ERO1A: variants seen among roughly 807,000 people sequenced by gnomAD.
ERO1A encodes the protein ERO1-like protein alpha.
Under a neutral mutation model 76.9 loss-of-function variants are expected in ERO1A, and 49 were observed. That is an observed-to-expected ratio of 0.64 (90% CI 0.51 to 0.81). ERO1A has a LOEUF of 0.81. ERO1A is among the 30% of genes least tolerant of loss of function. The probability of loss-of-function intolerance (pLI) is 0.00; values close to 1 mark genes in which losing one functional copy is unlikely to be tolerated. For missense variants in ERO1A, 448 were observed against 542.1 expected (o/e 0.83, Z 1.72); for synonymous variants, 174 against 181.2 (o/e 0.96, Z 0.32).
rs189687661 is a variant in ERO1A, at chr14:52,677,135, C to A, written c.357+1299G>T. Among the ~76,000 whole-genome samples the A allele has an allele frequency of 2.5e-3, 382 of 152,090 alleles. 2 individuals carry two copies. The highest frequency in any genetic ancestry group is 8.8e-3 in the African/African-American group (367 of 41,486). ...GAAGGAGGATTTTAAACAGAGAAGACAGATAATCTCATGTTTTAAAAAAAA... is the reference window on the plus strand; with the variant it reads ...GAAGGAGGATTTTAAACAGAGAAGAAAGATAATCTCATGTTTTAAAAAAAA... On this transcript the variant is annotated intron_variant, in intron 4 of 15. Coordinates refer to ENST00000395686, the MANE Select transcript of ERO1A (RefSeq NM_014584.3).
At chr14:52,684,138 CACACACACACACAG>C (rs1429001746) in intron 1 of ERO1A, among the ~76,000 whole-genome samples, 4 of 122,956 alleles carry the variant, frequency 3.3e-5, no homozygotes, top group Admixed American at 9.1e-5. Flanking sequence ...CACACACACA[CACACACACACACAG>C]AGAGAGTTGG....
intron 4 of ERO1A, 171 bp from the exon 5 acceptor site, chr14:52,672,042 C>T (rs1195194726): frequency 7.6e-6 from 4 of 525,728 alleles, no homozygotes; most frequent in East Asian, 6.8e-5. Flanking sequence ...CGGTGGCTCA[C>T]GCCTATAATC....
rs879218530 is a variant in ERO1A, at chr14:52,684,150, C to CACACAGAG, written c.115-244_115-243insCTCTGTGT. ...ACACACACACACACACACACACACA[C>CACACAGAG]AGAGAGAGTTGGCCCCCTGGCAACC... On this transcript the variant is annotated intron_variant, in intron 1 of 15. Coordinates refer to ENST00000395686, the MANE Select transcript of ERO1A (RefSeq NM_014584.3). Among the ~76,000 whole-genome samples the CACACAGAG allele has an allele frequency of 9.7e-4, 135 of 139,388 alleles. 2 individuals carry two copies. Among genetic ancestry groups the CACACAGAG allele is most frequent in the South Asian group, 4.6e-3 (20 of 4,334 alleles). The allele number at this position is 139,388 out of a possible 152,430, so 91.4% of individuals were successfully genotyped here.
chr14:52,680,050 A>C, intron 3 of ERO1A, among the ~76,000 whole-genome samples: 1 of 143,966 alleles, frequency 6.9e-6, no homozygotes. Flanking sequence ...ACAGAGTGAG[A>C]CCCTGTCTCA....
At position 52,653,106 on chromosome 14, in the gene ERO1A, T is replaced by A. The variant is rs2039929543; in HGVS notation, c.1018A>T (p.Asn340Tyr). Residue 340 changes from asparagine to tyrosine, a missense_variant, in exon 12 of 16, where the codon AAC becomes TAC. Asn to Tyr is a moderately radical substitution (Grantham distance 143). Coordinates refer to ENST00000395686, the MANE Select transcript of ERO1A (RefSeq NM_014584.3). ...FTGNKIQDEENKMLLLEILHE... is the reference protein window; with the variant it reads ...FTGNKIQDEEYKMLLLEILHE... ...AGTATTTCCAGAAGTAACATTTTGTTTTCCTCATCCTGAATTTTATTTCCA... is the reference window on the plus strand; with the variant it reads ...AGTATTTCCAGAAGTAACATTTTGTATTCCTCATCCTGAATTTTATTTCCA... 1 of 1,580,516 alleles carries A rather than the reference T, an allele frequency of 6.3e-7. No homozygotes were observed. Among genetic ancestry groups the A allele is most frequent in the African/African-American group, 1.3e-5 (1 of 74,252 alleles).
In ERO1A at chr14:52,653,279, G is replaced by A. The variant is rs2039938059; in HGVS notation, c.845C>T (p.Thr282Ile). Reference sequence around the variant, plus strand: ...TCCATCAAATCGCTGTTGAAATTCTGTAATGTTGTGTCCCCATTTCTTTTC... The same window carrying A: ...TCCATCAAATCGCTGTTGAAATTCTATAATGTTGTGTCCCCATTTCTTTTC... ...WLEKKWGHNI[T>I]EFQQRFDGIL... The change falls in exon 12 of 16, where the codon ACA becomes ATA. Residue 282 changes from threonine (T) to isoleucine (I), a missense_variant. Around this residue, in one of 2 missense-constraint regions of ERO1A, gnomAD observed 302 missense variants for 411.9 expected, o/e 0.73. Transcript: ENST00000395686. 6.2e-7 allele frequency: 1 copy of A among 1,611,466 alleles called. No homozygotes were observed. Among genetic ancestry groups the A allele is most frequent in the Admixed American group, 1.7e-5 (1 of 59,866 alleles).
intron 1 of ERO1A, among the ~76,000 whole-genome samples, chr14:52,693,789 C>T (rs563126658): frequency 6.6e-6 from 1 of 152,236 alleles, no homozygotes; most frequent in Admixed American, 6.5e-5. Context: ...GGAGCCACCA[C>T]ACCCAGCCCA....
At chr14:52,688,499 C>T (rs886158866) in intron 1 of ERO1A, among the ~76,000 whole-genome samples, 14 of 152,120 alleles carry the variant, frequency 9.2e-5, no homozygotes, top group Non-Finnish European at 1.9e-4. Context: ...ATAAATAGTA[C>T]AAAGTAAATT....
At chr14:52,690,580 A>C (rs996939997) in intron 1 of ERO1A, among the ~76,000 whole-genome samples, 1 of 152,132 alleles carries the variant, frequency 6.6e-6, no homozygotes, top group Admixed American at 6.5e-5. Context: ...GGGTGCCTGT[A>C]GTCCCAGCTA....
intron 4 of ERO1A, among the ~76,000 whole-genome samples, chr14:52,675,084 T>A (rs1394017126): frequency 2.0e-5 from 3 of 152,132 alleles, no homozygotes; most frequent in African/African-American, 7.2e-5. Context: ...AGTGAGTTTA[T>A]TAAAATGGTG....
rs375880188 is a variant in ERO1A, at chr14:52,695,348, C to G, written c.114+20G>C. The stretch of plus-strand genomic sequence containing the variant: ...GCGGAGGGCGCCGGGACCCTCAGCA[C>G]CAACGCGCACATCGCTCACCTGGCA... On this transcript the variant is annotated intron_variant, in intron 1 of 15. Transcript: ENST00000395686. 20 of 1,413,964 alleles carry G rather than the reference C, an allele frequency of 1.4e-5. No homozygotes were observed. The African/African-American group carries it at 2.9e-4, about 21-fold the overall frequency. The allele number at this position is 1,413,964 out of a possible 1,614,324, so 87.6% of individuals were successfully genotyped here.
chr14:52,695,075 C>A (rs1241559017), intron 1 of ERO1A, among the ~76,000 whole-genome samples: 1 of 152,232 alleles, frequency 6.6e-6, no homozygotes, highest in African/African-American at 2.4e-5. Context: ...TGTGCACACT[C>A]TCCCCGGGCA....
At chr14:52,645,483 T>C (rs993654836) in intron 15 of ERO1A, among the ~76,000 whole-genome samples, 1 of 151,556 alleles carries the variant, frequency 6.6e-6, no homozygotes, top group Non-Finnish European at 1.5e-5. Flanking sequence ...TTTTTGATTT[T>C]AGTAGAGTTG....
chr14:52,665,169 G>C (rs1051965400), intron 7 of ERO1A, among the ~76,000 whole-genome samples: 26 of 151,724 alleles, frequency 1.7e-4, no homozygotes, highest in African/African-American at 6.0e-4. Context: ...GGGTGTGGTG[G>C]CGTGTGCCTG....
At chr14:52,675,875 G>A (rs530698684) in intron 4 of ERO1A, among the ~76,000 whole-genome samples, 39 of 152,168 alleles carry the variant, frequency 2.6e-4, no homozygotes, top group Admixed American at 9.8e-4. Flanking sequence ...TGTAGACACG[G>A]GGTTTCACCA....
At chr14:52,649,849 G>C (rs1397355384) in intron 13 of ERO1A, among the ~76,000 whole-genome samples, 1 of 152,120 alleles carries the variant, frequency 6.6e-6, no homozygotes, top group Admixed American at 6.6e-5. Flanking sequence ...AAAAAACTGA[G>C]TGCATAAAAT....
rs539885710 is a variant in ERO1A at position 52,663,456 on chromosome 14, T to C, written c.676+345A>G. On this transcript the variant is annotated intron_variant, in intron 8 of 15. Transcript: ENST00000395686. ...CTACTAAAAATACAAAAAAATTTGC[T>C]GGGCGTTGTGGCGGGCGCCTGTAGT... is the stretch of plus-strand genomic sequence containing the variant. Among the ~76,000 whole-genome samples, 359 of 151,878 alleles carry C rather than the reference T, an allele frequency of 2.4e-3. 2 individuals are homozygous for C. The highest frequency in any genetic ancestry group is 8.3e-3 in the African/African-American group (345 of 41,400).
At chr14:52,683,104 A>C (rs1170662944) in intron 2 of ERO1A, among the ~76,000 whole-genome samples, 1 of 152,144 alleles carries the variant, frequency 6.6e-6, no homozygotes, top group Non-Finnish European at 1.5e-5. Context: ...GTTACTTGGG[A>C]GGCTGAGGCA....
At chr14:52,664,813 T>G (rs1411536160) in intron 7 of ERO1A, among the ~76,000 whole-genome samples, 6 of 151,958 alleles carry the variant, frequency 3.9e-5, no homozygotes, top group Non-Finnish European at 8.8e-5. Flanking sequence ...TGCCTCAGCC[T>G]CTCGAGTAGC....
Sources: gnomAD v4.1 joint callset for allele counts (sites outside exome capture counted in the v4.1 genomes callset) on GRCh38, gnomAD v4.1.1 for gene constraint, gnomAD v4.1.1 regional missense constraint, MANE v1.5 for transcripts, NCBI Gene and HGNC (gene_info 2026-07-23, HGNC 2026-07-21) for gene names.